MSR1: variants seen among roughly 807,000 people sequenced by gnomAD.
The protein encoded by MSR1 is macrophage scavenger receptor 1.
In MSR1, 53 loss-of-function variants were observed where a neutral mutation model predicts 47.2. The observed-to-expected ratio is 1.12, with a 90% CI of 0.90 to 1.41. The LOEUF is 1.41. MSR1 is among the 40% of genes most tolerant of loss of function. The pLI, the probability that MSR1 is intolerant of heterozygous loss-of-function variation, is 0.00. For missense variants in MSR1, 786 were observed against 546.9 expected (o/e 1.44, Z -4.36); for synonymous variants, 239 against 185.6 (o/e 1.29, Z -2.34).
intron 8 of MSR1, chr8:16,139,174 C>T (rs1346857509): frequency 2.9e-6 from 2 of 690,818 alleles, no homozygotes; most frequent in Non-Finnish European, 3.6e-6. Context: ...TCTCGAGCAT[C>T]TCTCTTTTTG....
At chr8:16,188,765 C>G (rs117149660) in intron 1 of MSR1, among the ~76,000 whole-genome samples, 27,705 of 151,718 alleles carry the variant, frequency 0.18, 3,957 homozygotes, top group African/African-American at 0.39. Flanking sequence ...TGCAGTGTTT[C>G]TTTTTCTGTT....
chr8:16,113,242 C>T (rs1799803571), intron 9 of MSR1, among the ~76,000 whole-genome samples: 2 of 151,758 alleles, frequency 1.3e-5, no homozygotes, highest in African/African-American at 4.9e-5. Flanking sequence ...GCCACTGTGC[C>T]TGACCTCCTC....
intron 5 of MSR1, among the ~76,000 whole-genome samples, chr8:16,159,553 A>G (rs1176905873): frequency 6.6e-6 from 1 of 151,970 alleles, no homozygotes; most frequent in Non-Finnish European, 1.5e-5. Flanking sequence ...TCTGCAATCA[A>G]CACATGATAA....
At chr8:16,177,200 A>G (rs1354515132) in intron 2 of MSR1, among the ~76,000 whole-genome samples, 1 of 152,184 alleles carries the variant, frequency 6.6e-6, no homozygotes, top group Non-Finnish European at 1.5e-5. Context: ...CATAGGTACC[A>G]GTGAAAGTAA....
intron 5 of MSR1, among the ~76,000 whole-genome samples, chr8:16,157,761 T>C (rs972006097): frequency 6.6e-6 from 1 of 151,928 alleles, no homozygotes; most frequent in African/African-American, 2.4e-5. Flanking sequence ...TCCATTCCCA[T>C]TGTAGCTCAC....
intron 8 of MSR1, among the ~76,000 whole-genome samples, chr8:16,141,617 G>A (rs1252091485): frequency 6.6e-6 from 1 of 152,124 alleles, no homozygotes; most frequent in Non-Finnish European, 1.5e-5. Flanking sequence ...CTCTGCATGA[G>A]GAGGGAGGGC....
chr8:16,115,383 CT>C (rs1799854755), intron 9 of MSR1, among the ~76,000 whole-genome samples: 1 of 151,956 alleles, frequency 6.6e-6, no homozygotes. Context: ...TTCTTTTCCT[CT>C]TGAGTGAAAC....
rs146921511 is a variant in MSR1, at chr8:16,181,393, C to G, written c.-4-3401G>C. 1.5e-3 allele frequency among the ~76,000 whole-genome samples: 225 copies of G among 152,192 alleles called. 1 individual carries two copies. Among genetic ancestry groups the G allele is most frequent in the African/African-American group, 5.2e-3 (218 of 41,526 alleles). On this transcript the variant is annotated intron_variant, in intron 1 of 9. Transcript: ENST00000262101. ...ATTTTAATGATCGCCATTCTTGGAACCAATCCAAATGCCCATCAATGATAG... is the reference window on the plus strand; with the variant it reads ...ATTTTAATGATCGCCATTCTTGGAAGCAATCCAAATGCCCATCAATGATAG...
intron 7 of MSR1, among the ~76,000 whole-genome samples, chr8:16,149,169 T>C (rs1265877105): frequency 1.3e-5 from 2 of 152,122 alleles, no homozygotes; most frequent in African/African-American, 4.8e-5. Flanking sequence ...GCCACTAATG[T>C]ACATTATAGA....
At chr8:16,160,022 C>A (rs1257286426) in intron 5 of MSR1, among the ~76,000 whole-genome samples, 1 of 151,836 alleles carries the variant, frequency 6.6e-6, no homozygotes, top group African/African-American at 2.4e-5. Context: ...AAAAGACAAG[C>A]GAGGGAATGA....
chr8:16,159,909 AAG>A (rs1801116250), intron 5 of MSR1, among the ~76,000 whole-genome samples: 1 of 152,064 alleles, frequency 6.6e-6, no homozygotes, highest in Non-Finnish European at 1.5e-5. Flanking sequence ...ATACAAATCA[AAG>A]AGAAAATATT....
chr8:16,151,444 A>G (rs1401733903), intron 6 of MSR1, among the ~76,000 whole-genome samples: 1 of 152,136 alleles, frequency 6.6e-6, no homozygotes, highest in African/African-American at 2.4e-5. Flanking sequence ...TATATGGCCT[A>G]TGGAGTTATG....
rs547530466 is a variant in MSR1 at position 16,183,916 on chromosome 8, A to C, written c.-4-5924T>G. Among the ~76,000 whole-genome samples, 21 of 145,826 alleles carry C rather than the reference A, an allele frequency of 1.4e-4. No individual in the cohort carries two copies. In the East Asian group the frequency reaches 3.1e-3, roughly 22 times the overall value. On this transcript the variant is annotated intron_variant, in intron 1 of 9. Coordinates refer to ENST00000262101, the MANE Select transcript of MSR1 (RefSeq NM_138715.3). ...ATATAATTATATATATATATATGGC[A>C]CAGGCATAGTACAAAAGTGAGTGAT...
chr8:16,120,506 G>A lies in MSR1; in HGVS notation c.1134C>T (p.Arg378=), dbSNP rs1260224534. 1 of 1,613,486 alleles carries A rather than the reference G, an allele frequency of 6.2e-7. No individual in the cohort carries two copies. Among genetic ancestry groups the A allele is most frequent in the African/African-American group, 1.3e-5 (1 of 74,806 alleles). ...CGACCTGTCCAACGCGCACTTCCCA[G>A]CGATCGTCACAAATTGTACCCCACT... ...SGQWGTICDD[R]WEVRVGQVVC... The change falls in exon 9 of 10, where the codon CGC becomes CGT. Residue 378 remains arginine, a synonymous_variant. Transcript: ENST00000262101.
chr8:16,164,208 T>G lies in MSR1; in HGVS notation c.674A>C (p.Glu225Ala). The change falls in exon 5 of 10, where the codon GAA (glutamate) becomes GCA (alanine). Residue 225 changes from glutamate to alanine, a missense_variant. Physicochemically the swap from Glu to Ala is moderately radical, Grantham distance 107. Transcript: ENST00000262101. The stretch of plus-strand genomic sequence containing the variant: ...TTGTTCTTCTTTCATAGCCATAATT[T>G]CTGCTGATACATTGTAAACACGCTC... ...LEERVYNVSA[E>A]IMAMKEEQVH... 6.2e-7 allele frequency: 1 copy of G among 1,612,406 alleles called. No homozygotes were observed. The highest frequency in any genetic ancestry group is 8.5e-7 in the Non-Finnish European group (1 of 1,179,100).
In MSR1 at chr8:16,138,167, C is replaced by T. The variant is rs377431710; in HGVS notation, c.1033+5391G>A. ...CGTTGTTTGAGTTTTAGATAGGATA[C>T]TCAAAATTCACATCCTAGTTGTAGT... On this transcript the variant is annotated intron_variant, in intron 8 of 9. Transcript: ENST00000262101. Among the ~76,000 whole-genome samples the T allele has an allele frequency of 9.2e-5, 14 of 152,190 alleles. No individual in the cohort carries two copies. The South Asian group carries it at 2.5e-3, about 27-fold the overall frequency.
At chr8:16,178,230 T>C (rs769163442) in intron 1 of MSR1, among the ~76,000 whole-genome samples, 4 of 151,628 alleles carry the variant, frequency 2.6e-5, no homozygotes, top group Non-Finnish European at 5.9e-5. Context: ...ACTAGGTATA[T>C]CTCCTAATAG....
At chr8:16,167,429 C>T (rs796779540) in intron 4 of MSR1, among the ~76,000 whole-genome samples, 18 of 152,190 alleles carry the variant, frequency 1.2e-4, no homozygotes, top group African/African-American at 4.3e-4. Context: ...CCTTTGATCC[C>T]AGCTACATGG....
At chr8:16,181,227 G>C (rs984895001) in intron 1 of MSR1, among the ~76,000 whole-genome samples, 1 of 152,050 alleles carries the variant, frequency 6.6e-6, no homozygotes, top group African/African-American at 2.4e-5. Flanking sequence ...GTGATTGCTG[G>C]GTCAAATGGC....
Sources: gnomAD v4.1 joint callset for allele counts (sites outside exome capture counted in the v4.1 genomes callset) on GRCh38, gnomAD v4.1.1 for gene constraint, MANE v1.5 for transcripts, NCBI Gene and HGNC (gene_info 2026-07-23, HGNC 2026-07-21) for gene names.